The following KIF18B variants were observed in gnomAD, a reference collection of about 807,000 sequenced individuals.
The protein encoded by KIF18B is kinesin family member 18B, also known as kinesin-like protein KIF18B.
Under a neutral mutation model 80.9 loss-of-function variants are expected in KIF18B, and 49 were observed. That is an observed-to-expected ratio of 0.61 (90% CI 0.48 to 0.77). The LOEUF is 0.77. Among genes scored for constraint, KIF18B ranks in the 30% least tolerant of loss-of-function variants. The probability of loss-of-function intolerance (pLI) is 0.00; values close to 1 mark genes in which losing one functional copy is unlikely to be tolerated. For missense variants in KIF18B, 994 were observed against 1,127.7 expected (o/e 0.88, Z 1.70); for synonymous variants, 439 against 463.9 (o/e 0.95, Z 0.69).
At chr17:44,932,245 A>G (rs2052171811) in intron 9 of KIF18B, 39 bp from the exon 10 acceptor site, 3 of 1,552,106 alleles carry the variant, frequency 1.9e-6, no homozygotes, top group East Asian at 2.3e-5. Context: ...TGGGAAGGCT[A>G]AGCGGGAAAG....
In KIF18B at chr17:44,924,869, C is replaced by T. The variant is rs1380152162; in HGVS notation, c.*1211G>A. Reference sequence around the variant, plus strand: ...ATTCCCCTTTACACTTTATTTTACACTGAACGTGTATCCTATGTACAATAG... The same window carrying T: ...ATTCCCCTTTACACTTTATTTTACATTGAACGTGTATCCTATGTACAATAG... On this transcript the variant is annotated 3_prime_UTR_variant, in exon 16 of 16. Coordinates refer to ENST00000593135, the MANE Select transcript of KIF18B (RefSeq NM_001265577.2). The T allele has an allele frequency of 1.3e-5, 2 of 151,946 alleles. No individual in the cohort carries two copies. The highest frequency in any genetic ancestry group is 2.4e-5 in the African/African-American group (1 of 41,276). 9.4% of individuals were successfully genotyped at this position (151,946 alleles called of 1,614,324 possible). A position where few individuals can be genotyped will look rare whatever the true frequency, so the allele number is the denominator to read the frequency against.
chr17:44,944,594 C>T (rs726612), intron 1 of KIF18B, among the ~76,000 whole-genome samples: 89,477 of 152,074 alleles, frequency 0.59, 27,664 homozygotes, highest in African/African-American at 0.81. Context: ...TAAAATAGAC[C>T]CAATATGTTT....
chr17:44,936,802 G>A (rs2052322190), intron 1 of KIF18B, among the ~76,000 whole-genome samples: 2 of 149,842 alleles, frequency 1.3e-5, no homozygotes, highest in African/African-American at 2.5e-5. Flanking sequence ...ACCATGCCTG[G>A]CTAATTTTTT....
chr17:44,936,596 CTCTATATATA>C lies in KIF18B; in HGVS notation c.-14-248_-14-239del, dbSNP rs1372829096. On this transcript the variant is annotated intron_variant, in intron 1 of 15. Coordinates refer to ENST00000593135, the MANE Select transcript of KIF18B (RefSeq NM_001265577.2). Reference sequence around the variant, plus strand: ...TCTCTCTCTCTCTCTCTCTCTCTCTCTCTATATATATATATATATATATATATATTTTTTT... The same window carrying C: ...TCTCTCTCTCTCTCTCTCTCTCTCTCTATATATATATATATATATTTTTTT... Among the ~76,000 whole-genome samples, 178 of 36,936 alleles carry C rather than the reference CTCTATATATA, an allele frequency of 4.8e-3. 1 individual carries two copies. Among genetic ancestry groups the C allele is most frequent in the African/African-American group, 0.017 (157 of 9,340 alleles). 24.2% of individuals were successfully genotyped at this position (36,936 alleles called of 152,430 possible).
Position 44,928,487 on chromosome 17 carries a change from G to A in KIF18B, c.1815C>T (p.His605=). ...TGGGTCCAGGCGGGATTCCCAGGGT[G>A]TGCAGGGGGCCACTCAGTCGCCTCG... ...TMARRLSGPL[H]TLGIPPGPNC... is the part of the protein sequence containing the mutation. The change falls in exon 13 of 16, where the codon CAC becomes CAT. Residue 605 remains histidine, a synonymous_variant. Coordinates refer to ENST00000593135, the MANE Select transcript of KIF18B (RefSeq NM_001265577.2). 1 of 1,516,578 alleles carries A rather than the reference G, an allele frequency of 6.6e-7. No individual in the cohort carries two copies. Among genetic ancestry groups the A allele is most frequent in the Admixed American group, 2.1e-5 (1 of 47,866 alleles). The allele number at this position is 1,516,578 out of a possible 1,614,324, so 93.9% of individuals were successfully genotyped here.
At position 44,928,446 on chromosome 17, in the gene KIF18B, T is replaced by C; in HGVS notation, c.1856A>G (p.Gln619Arg). The C allele has an allele frequency of 6.5e-7, 1 of 1,537,078 alleles. No individual in the cohort carries two copies. The highest frequency in any genetic ancestry group is 8.7e-7 in the Non-Finnish European group (1 of 1,146,588). Residue 619 changes from glutamine to arginine, a missense_variant, in exon 13 of 16, where the codon CAG becomes CGG. Physicochemically the swap from Gln to Arg is conservative, Grantham distance 43. Transcript: ENST00000593135. Reference sequence around the variant, plus strand: ...CTTCTCCATGGGCCATCGGGACCCCTGGGCTGGGGTGCAGTTGGGTCCAGG... The same window carrying C: ...CTTCTCCATGGGCCATCGGGACCCCCGGGCTGGGGTGCAGTTGGGTCCAGG... Reference protein sequence around the residue: ...IPPGPNCTPAQGSRWPMEKKR... With the variant: ...IPPGPNCTPARGSRWPMEKKR...
chr17:44,925,036 CCCGCTCCCCAA>C lies in KIF18B; in HGVS notation c.*1033_*1043del, dbSNP rs1248080726. On this transcript the variant is annotated 3_prime_UTR_variant, in exon 16 of 16. Transcript: ENST00000593135. ...ACCAGGAAGAGCCAAGCCGCGACTC[CCCGCTCCCCAA>C]CCCATCCTCATTCCTCCTCTACTGC... 1 of 152,130 alleles carries C rather than the reference CCCGCTCCCCAA, an allele frequency of 6.6e-6. No individual in the cohort carries two copies. Among genetic ancestry groups the C allele is most frequent in the Non-Finnish European group, 1.5e-5 (1 of 68,030 alleles). The allele number at this position is 152,130 out of a possible 1,614,324, so 9.4% of individuals were successfully genotyped here.
chr17:44,930,805 G>A (rs1183556305), intron 11 of KIF18B, among the ~76,000 whole-genome samples: 4 of 152,092 alleles, frequency 2.6e-5, no homozygotes, highest in Non-Finnish European at 4.4e-5. Flanking sequence ...GGGGGATGTC[G>A]CACCAGAGCA....
chr17:44,934,726 C>G lies in KIF18B; in HGVS notation c.576+105G>C. On this transcript the variant is annotated intron_variant, in intron 4 of 15. Coordinates refer to ENST00000593135, the MANE Select transcript of KIF18B (RefSeq NM_001265577.2). The surrounding 1 kb of genome is among the most constrained non-coding windows in gnomAD (Gnocchi z 5.4). ...CTACATCACCCCCTTGCTACCACCACCACTGCTACCACCATCACAGGACCC... is the reference window on the plus strand; with the variant it reads ...CTACATCACCCCCTTGCTACCACCAGCACTGCTACCACCATCACAGGACCC... 1.1e-5 allele frequency: 14 copies of G among 1,240,596 alleles called. No individual in the cohort carries two copies. The highest frequency in any genetic ancestry group is 2.6e-5 in the East Asian group (1 of 38,948). The allele number at this position is 1,240,596 out of a possible 1,614,324, so 76.8% of individuals were successfully genotyped here. A position where few individuals can be genotyped will look rare whatever the true frequency, so the allele number is the denominator to read the frequency against.
chr17:44,932,193 G>A lies in KIF18B; in HGVS notation c.1252C>T (p.Pro418Ser), dbSNP rs2052168995. The change falls in exon 10 of 16, where the codon CCA becomes TCA. Residue 418 changes from proline (P) to serine (S), a missense_variant. By Grantham distance (74) the Pro-to-Ser change is moderately conservative. Transcript: ENST00000593135. The part of the protein sequence containing the change: ...GPPPEHQPCT[P>S]ELPAGPRALQ... ...GCTCTAGGCCCTGCAGGGAGCTCTG[G>A]GGTGCAGGGCTGGCTGGGAGGGTGG... 1 of 1,607,728 alleles carries A rather than the reference G, an allele frequency of 6.2e-7. No homozygotes were observed. The highest frequency in any genetic ancestry group is 8.5e-7 in the Non-Finnish European group (1 of 1,176,086).
At chr17:44,936,586 CTCTCTCTCTCTCTATA>C (rs1479183377) in intron 1 of KIF18B, among the ~76,000 whole-genome samples, 27 of 57,874 alleles carry the variant, frequency 4.7e-4, no homozygotes, top group African/African-American at 1.1e-3. Context: ...CTCTCTCTCT[CTCTCTCTCTCTCTATA>C]TATATATATA....
intron 10 of KIF18B, 143 bp downstream of exon 10, chr17:44,931,913 G>C: frequency 8.3e-7 from 1 of 1,197,736 alleles, no homozygotes; most frequent in Non-Finnish European, 1.2e-6. Flanking sequence ...CACAGAATCT[G>C]AAATCCTCCT....
At position 44,926,173 on chromosome 17, in the gene KIF18B, A is replaced by G. The variant is rs760039387; in HGVS notation, c.2466T>C (p.Ser822=). The change falls in exon 16 of 16, where the codon AGT becomes AGC. Residue 822 remains serine, a synonymous_variant. Transcript: ENST00000593135. Reference sequence around the variant, plus strand: ...TCCTCCGGTTGCTAGGGCACAGGGGACTCAAGGGCAGCTCTGCAGGCCAGT... The same window carrying G: ...TCCTCCGGTTGCTAGGGCACAGGGGGCTCAAGGGCAGCTCTGCAGGCCAGT... The part of the protein sequence containing the change: ...GPLVLPELPL[S]PLCPSNRRNG... 6.2e-7 allele frequency: 1 copy of G among 1,613,696 alleles called. No homozygotes were observed. Among genetic ancestry groups the G allele is most frequent in the Admixed American group, 1.7e-5 (1 of 59,998 alleles).
chr17:44,943,147 T>G (rs2052449568), intron 1 of KIF18B, among the ~76,000 whole-genome samples: 1 of 152,164 alleles, frequency 6.6e-6, no homozygotes. Context: ...TCGACCAGGC[T>G]GGAGTGCAGT....
intron 1 of KIF18B, among the ~76,000 whole-genome samples, chr17:44,943,579 A>G (rs74921888): frequency 0.084 from 12,825 of 152,252 alleles, 607 homozygotes; most frequent in Middle Eastern, 0.19. Flanking sequence ...TCCTGATTTT[A>G]TAAAGAATCC....
rs773820719 is a variant in KIF18B, at chr17:44,936,287, G to A, written c.58C>T (p.Arg20Trp). The A allele has an allele frequency of 4.1e-5, 66 of 1,610,468 alleles. 1 individual carries two copies. Among genetic ancestry groups the A allele is most frequent in the Non-Finnish European group, 5.2e-5 (61 of 1,179,164 alleles). ...GGCCGCCGCTGACTGTCCAGCTCCC[G>A]AGGGGTGGGGGGCCGCACCCGTACC... ...VVVRVRPPTP[R>W]ELDSQRRPVV... Residue 20 changes from arginine (R) to tryptophan (W), a missense_variant, in exon 2 of 16, where the codon CGG becomes TGG. Physicochemically the swap from Arg to Trp is moderately radical, Grantham distance 101. Coordinates refer to ENST00000593135, the MANE Select transcript of KIF18B (RefSeq NM_001265577.2).
intron 1 of KIF18B, among the ~76,000 whole-genome samples, chr17:44,936,679 G>A (rs2052319391): frequency 9.1e-6 from 1 of 109,652 alleles, no homozygotes; most frequent in Non-Finnish European, 1.7e-5. Context: ...TTGCTCTGTC[G>A]CCCAGGCTAG....
At position 44,928,114 on chromosome 17, in the gene KIF18B, G is replaced by A; in HGVS notation, c.2188C>T (p.Pro730Ser). 1.9e-6 allele frequency: 3 copies of A among 1,587,096 alleles called. No homozygotes were observed. Among genetic ancestry groups the A allele is most frequent in the Non-Finnish European group, 2.6e-6 (3 of 1,167,448 alleles). Reference protein sequence around the residue: ...LNATFDLSEEPPSKPSFHECI... With the variant: ...LNATFDLSEESPSKPSFHECI... The stretch of plus-strand genomic sequence containing the variant: ...TCATGGAAACTGGGCTTTGAGGGAG[G>A]CTCCTCAGAGAGATCAAAGGTGGCA... The change falls in exon 13 of 16, where the codon CCT becomes TCT. Residue 730 changes from proline to serine, a missense_variant. Transcript: ENST00000593135.
At position 44,927,704 on chromosome 17, in the gene KIF18B, G is replaced by A. The variant is rs1050208320; in HGVS notation, c.2276+322C>T. On this transcript the variant is annotated intron_variant, in intron 13 of 15. Transcript: ENST00000593135. This position sits in a 1 kb window ranked among gnomAD's most constrained non-coding sequence, Gnocchi z 4.1. ...AGCCCAAGTAAAGAGAGGAACAGAA[G>A]TGTTGGGTTCCCCTAGTACATTCTT... Among the ~76,000 whole-genome samples, 1 of 152,262 alleles carries A rather than the reference G, an allele frequency of 6.6e-6. No homozygotes were observed. The highest frequency in any genetic ancestry group is 1.5e-5 in the Non-Finnish European group (1 of 68,046).
Sources: allele counts gnomAD v4.1 joint callset (sites outside exome capture counted in the v4.1 genomes callset), GRCh38; gene constraint gnomAD v4.1.1; non-coding constraint Gnocchi (gnomAD v3.1); transcripts MANE v1.5; gene names NCBI Gene and HGNC (gene_info 2026-07-23, HGNC 2026-07-21).